The following DNAJB14 variants were observed in gnomAD, a reference collection of about 807,000 sequenced individuals.
DNAJB14 encodes the protein DnaJ heat shock protein family (Hsp40) member B14, also known as dnaJ homolog subfamily B member 14.
DNAJB14 carries 22 observed loss-of-function variants against 48.4 expected under a neutral mutation model. That is an observed-to-expected ratio of 0.45 (90% CI 0.32 to 0.65). The LOEUF (loss-of-function observed/expected upper bound fraction) is 0.65. DNAJB14 is among the 30% of genes least tolerant of loss of function. The pLI is 0.03. For synonymous variants in DNAJB14, 142 were observed against 158.7 expected, an observed-to-expected ratio of 0.89 and a Z score of 0.79; for missense variants, 319 against 458.8, an observed-to-expected ratio of 0.70 and a Z score of 2.78.
intron 4 of DNAJB14, 81 bp downstream of exon 4, chr4:99,908,630 G>T: frequency 9.4e-7 from 1 of 1,060,844 alleles, no homozygotes; most frequent in Non-Finnish European, 1.3e-6. Flanking sequence ...GGAAAAGGTA[G>T]ATACATCTCT....
Position 99,946,494 on chromosome 4 carries a change from C to T in DNAJB14, c.78G>A (p.Lys26=). 1.9e-6 allele frequency: 3 copies of T among 1,613,828 alleles called. No individual in the cohort carries two copies. Among genetic ancestry groups the T allele is most frequent in the African/African-American group, 2.7e-5 (2 of 75,012 alleles). ...CGGCCTTCTGCAGGAAGCGCTGGGC[C>T]TTCTCGCGGTTGCCGGCGTTCAGGG... ...REALNAGNRE[K]AQRFLQKAEK... is the part of the protein sequence containing the mutation. Residue 26 remains lysine, a synonymous_variant, in exon 1 of 8, where the codon AAG becomes AAA. Coordinates refer to ENST00000442697, the MANE Select transcript of DNAJB14 (RefSeq NM_001031723.4).
intron 3 of DNAJB14, among the ~76,000 whole-genome samples, chr4:99,916,904 G>A (rs143219566): frequency 0.017 from 2,617 of 152,238 alleles, 84 homozygotes; most frequent in African/African-American, 0.059. Flanking sequence ...GGAGGCTGAG[G>A]CGGATGGATC....
At chr4:99,917,673 G>C (rs1026581078) in intron 3 of DNAJB14, among the ~76,000 whole-genome samples, 1 of 152,090 alleles carries the variant, frequency 6.6e-6, no homozygotes, top group Non-Finnish European at 1.5e-5. Flanking sequence ...ATTTGCTCTT[G>C]ACAAGTTTTC....
intron 6 of DNAJB14, among the ~76,000 whole-genome samples, chr4:99,904,747 G>C (rs190044931): frequency 2.0e-5 from 3 of 151,746 alleles, no homozygotes; most frequent in Non-Finnish European, 4.4e-5. Flanking sequence ...CTTTTGTAAA[G>C]TATCTCAATT....
chr4:99,937,055 G>T (rs1025109268), intron 1 of DNAJB14, among the ~76,000 whole-genome samples: 16 of 152,168 alleles, frequency 1.1e-4, no homozygotes, highest in Admixed American at 6.5e-5. Flanking sequence ...AGTGGCTCAC[G>T]CCTGTAATCC....
At chr4:99,911,639 T>C (rs1725663898) in intron 3 of DNAJB14, among the ~76,000 whole-genome samples, 1 of 152,246 alleles carries the variant, frequency 6.6e-6, no homozygotes, top group Admixed American at 6.5e-5. Flanking sequence ...TAATGACTAA[T>C]GAATGACAGA....
intron 1 of DNAJB14, among the ~76,000 whole-genome samples, chr4:99,945,227 T>G (rs1727025599): frequency 6.6e-6 from 1 of 152,182 alleles, no homozygotes; most frequent in Admixed American, 6.5e-5. Context: ...ACTTAAAAAA[T>G]TATTAACTCT....
At chr4:99,941,651 A>C (rs567213538) in intron 1 of DNAJB14, among the ~76,000 whole-genome samples, 1 of 152,270 alleles carries the variant, frequency 6.6e-6, no homozygotes, top group African/African-American at 2.4e-5. Flanking sequence ...CTATCCACTG[A>C]ATTCCCAGTT....
intron 3 of DNAJB14, among the ~76,000 whole-genome samples, chr4:99,914,962 C>T (rs1462256624): frequency 1.3e-5 from 2 of 152,106 alleles, no homozygotes; most frequent in Admixed American, 1.3e-4. Flanking sequence ...AGAACCAGCT[C>T]TGTTTCATTG....
chr4:99,914,267 T>G (rs1725769741), intron 3 of DNAJB14, among the ~76,000 whole-genome samples: 1 of 152,314 alleles, frequency 6.6e-6, no homozygotes, highest in African/African-American at 2.4e-5. Context: ...AATGATAGAC[T>G]GCATTAAGAA....
intron 2 of DNAJB14, 123 bp from the exon 3 acceptor site, chr4:99,923,308 G>T: frequency 1.1e-6 from 1 of 923,090 alleles, no homozygotes; most frequent in Non-Finnish European, 1.6e-6. Context: ...AAAATCTAAT[G>T]AAGGCTTATC....
At chr4:99,935,568 G>A (rs772762913) in intron 1 of DNAJB14, among the ~76,000 whole-genome samples, 19 of 152,292 alleles carry the variant, frequency 1.2e-4, no homozygotes, top group Middle Eastern at 6.8e-3. Context: ...ACTAAATGAC[G>A]GTTAAGAGAG....
Position 99,905,652 on chromosome 4 carries a change from A to T in DNAJB14, c.787T>A (p.Ser263Thr), listed in dbSNP as rs1457303510. 4 of 1,612,230 alleles carry T rather than the reference A, an allele frequency of 2.5e-6. No individual in the cohort carries two copies. The highest frequency in any genetic ancestry group is 3.4e-6 in the Non-Finnish European group (4 of 1,179,524). Residue 263 changes from serine to threonine, a missense_variant, in exon 6 of 8, where the codon TCA (serine) becomes ACA (threonine). Physicochemically the swap from Ser to Thr is moderately conservative, Grantham distance 58 (BLOSUM62 1). This residue lies in a region of DNAJB14 where 166 missense variants were observed against 236.3 expected (regional missense o/e 0.70). Coordinates refer to ENST00000442697, the MANE Select transcript of DNAJB14 (RefSeq NM_001031723.4). ...GAGACCATCAACTGGCTTAATAATG[A>T]CACGAGGATCAATACAATTATGGGC... ...LMPIIVLILV[S>T]LLSQLMVSNP...
intron 1 of DNAJB14, among the ~76,000 whole-genome samples, chr4:99,932,509 T>C (rs1205185470): frequency 6.6e-6 from 1 of 152,010 alleles, no homozygotes; most frequent in Non-Finnish European, 1.5e-5. Flanking sequence ...ATAGCAAATG[T>C]TGAGAAGGAT....
At chr4:99,941,058 C>T (rs1481681388) in intron 1 of DNAJB14, among the ~76,000 whole-genome samples, 1 of 151,590 alleles carries the variant, frequency 6.6e-6, no homozygotes, top group Non-Finnish European at 1.5e-5. Flanking sequence ...ATTTATTTAA[C>T]AAATTATCTT....
chr4:99,920,217 G>T (rs1230399706), intron 3 of DNAJB14, among the ~76,000 whole-genome samples: 1 of 152,148 alleles, frequency 6.6e-6, no homozygotes, highest in Non-Finnish European at 1.5e-5. Context: ...TCTGTGTAAG[G>T]TTTATTTCCC....
In DNAJB14 at chr4:99,906,579, C is replaced by A; in HGVS notation, c.670G>T (p.Gly224Cys). ...CGATGCTGATGTTGTTGGCTATAACCAGCTCTTCCATTTGAAAAAGAATGT... is the reference window on the plus strand; with the variant it reads ...CGATGCTGATGTTGTTGGCTATAACAAGCTCTTCCATTTGAAAAAGAATGT... ...SVHSFSNGRA[G>C]YSQQHQHRHS... Residue 224 changes from glycine (G) to cysteine (C), a missense_variant, in exon 5 of 8, where the codon GGT becomes TGT. Physicochemically the swap from Gly to Cys is radical, Grantham distance 159. Coordinates refer to ENST00000442697, the MANE Select transcript of DNAJB14 (RefSeq NM_001031723.4). The A allele has an allele frequency of 6.2e-7, 1 of 1,611,500 alleles. No homozygotes were observed. Among genetic ancestry groups the A allele is most frequent in the Non-Finnish European group, 8.5e-7 (1 of 1,179,520 alleles).
intron 5 of DNAJB14, 87 bp downstream of exon 5, chr4:99,906,430 A>G: frequency 7.8e-7 from 1 of 1,289,656 alleles, no homozygotes; most frequent in Non-Finnish European, 1.1e-6. Flanking sequence ...ATTATTTCCT[A>G]CAACTACTTG....
At chr4:99,926,654 AAGAC>A (rs1726265917) in intron 2 of DNAJB14, 1 of 152,162 alleles carries the variant, frequency 6.6e-6, no homozygotes. Flanking sequence ...TCAACTTAAA[AAGAC>A]AGCTGGATAC....
Sources: allele counts gnomAD v4.1 joint callset (sites outside exome capture counted in the v4.1 genomes callset), GRCh38; gene constraint gnomAD v4.1.1; regional missense constraint gnomAD v4.1.1; transcripts MANE v1.5; gene names NCBI Gene and HGNC (gene_info 2026-07-23, HGNC 2026-07-21).